The following DENND4A variants were observed in gnomAD, a reference collection of about 807,000 sequenced individuals.
The protein encoded by DENND4A is DENN domain containing 4A, also known as C-myc promoter-binding protein.
DENND4A carries 70 observed loss-of-function variants against 199.3 expected under a neutral mutation model. The observed-to-expected ratio is 0.35, with a 90% CI of 0.29 to 0.43. The LOEUF (loss-of-function observed/expected upper bound fraction) is 0.43, where lower values mean the gene tolerates loss of function less well. Among genes scored for constraint, DENND4A ranks in the 20% least tolerant of loss-of-function variants. DENND4A has a pLI of 1.00. For missense variants in DENND4A, 1,723 were observed against 2,255.8 expected, an observed-to-expected ratio of 0.76 and a Z score of 4.78; for synonymous variants, 686 against 766.9, an observed-to-expected ratio of 0.89 and a Z score of 1.74.
chr15:65,670,271 T>C, intron 25 of DENND4A, 83 bp from the exon 26 acceptor site: 1 of 1,201,592 alleles, frequency 8.3e-7, no homozygotes, highest in South Asian at 2.2e-5. Context: ...ATAAATTCAT[T>C]GGATAATTAA....
In DENND4A at chr15:65,729,191, T is replaced by C; in HGVS notation, c.1368A>G (p.Leu456=). The C allele has an allele frequency of 1.3e-6, 2 of 1,588,752 alleles. No homozygotes were observed. Among genetic ancestry groups the C allele is most frequent in the Non-Finnish European group, 1.7e-6 (2 of 1,166,670 alleles). ...GACATGGTGCACTCAAGACATCTGC[T>C]AAAGCCAGTGGGCAGAGAGGAACAT... is the stretch of plus-strand genomic sequence containing the variant. The part of the protein sequence containing the change: ...CPYVPLCPLA[L]ADVLSAPCPF... The change falls in exon 11 of 33, where the codon TTA becomes TTG. Residue 456 remains leucine (L), a synonymous_variant. Transcript: ENST00000443035.
chr15:65,710,120 A>C (rs532681575), intron 14 of DENND4A, among the ~76,000 whole-genome samples: 1 of 152,318 alleles, frequency 6.6e-6, no homozygotes, highest in African/African-American at 2.4e-5. Flanking sequence ...CATGAGTACT[A>C]AGATATGCTC....
chr15:65,766,346 G>C (rs2076986728), intron 1 of DENND4A: 1 of 151,796 alleles, frequency 6.6e-6, no homozygotes, highest in Admixed American at 6.6e-5. Context: ...CATTCACTCA[G>C]GCATCCAGAA....
intron 11 of DENND4A, among the ~76,000 whole-genome samples, chr15:65,724,626 G>T (rs1292665030): frequency 1.3e-5 from 2 of 151,952 alleles, no homozygotes; most frequent in East Asian, 3.9e-4. Context: ...AGCTTAAGCT[G>T]AACAAAAATG....
intron 23 of DENND4A, among the ~76,000 whole-genome samples, chr15:65,678,175 G>A (rs1220049515): frequency 6.6e-6 from 1 of 152,106 alleles, no homozygotes; most frequent in Non-Finnish European, 1.5e-5. Flanking sequence ...TGATCTGCCC[G>A]CCTCGGCCTC....
At chr15:65,685,353 C>T (rs1319907634) in intron 23 of DENND4A, among the ~76,000 whole-genome samples, 4 of 152,170 alleles carry the variant, frequency 2.6e-5, no homozygotes, top group African/African-American at 9.7e-5. Flanking sequence ...GTCTAGATCT[C>T]CTGACCTCGT....
At chr15:65,709,987 T>C (rs1325781713) in intron 14 of DENND4A, among the ~76,000 whole-genome samples, 3 of 152,030 alleles carry the variant, frequency 2.0e-5, no homozygotes, top group Admixed American at 2.0e-4. Context: ...TAGAATTTTC[T>C]TTTTCGAGAC....
At chr15:65,763,524 A>C (rs2076904304) in intron 1 of DENND4A, among the ~76,000 whole-genome samples, 1 of 151,866 alleles carries the variant, frequency 6.6e-6, no homozygotes. Flanking sequence ...AAAATACCAA[A>C]GTAGCCAGGT....
At chr15:65,668,919 T>C (rs1303273204) in intron 27 of DENND4A, among the ~76,000 whole-genome samples, 1 of 152,164 alleles carries the variant, frequency 6.6e-6, no homozygotes, top group African/African-American at 2.4e-5. Flanking sequence ...TTAAGTAGTA[T>C]AGTCATGATA....
chr15:65,662,577 T>C (rs1485401389), intron 32 of DENND4A, among the ~76,000 whole-genome samples: 1 of 152,190 alleles, frequency 6.6e-6, no homozygotes, highest in African/African-American at 2.4e-5. Context: ...CCCCAGAAGA[T>C]AGTCCACATG....
chr15:65,733,704 A>G (rs1317949500), intron 7 of DENND4A, among the ~76,000 whole-genome samples: 1 of 152,212 alleles, frequency 6.6e-6, no homozygotes, highest in African/African-American at 2.4e-5. Context: ...TGTAGAAAGA[A>G]GTAGACATAG....
chr15:65,742,346 C>T (rs752605922), intron 4 of DENND4A, among the ~76,000 whole-genome samples: 3 of 151,892 alleles, frequency 2.0e-5, no homozygotes, highest in Non-Finnish European at 2.9e-5. Context: ...TGCAGTGGTG[C>T]GATCTTGGCT....
chr15:65,702,778 T>C, intron 16 of DENND4A, 95 bp downstream of exon 16: 1 of 1,186,468 alleles, frequency 8.4e-7, no homozygotes, highest in Non-Finnish European at 1.2e-6. Context: ...CTAGTAATAG[T>C]TATATATGAA....
At chr15:65,682,889 A>C (rs2076629386) in intron 23 of DENND4A, among the ~76,000 whole-genome samples, 3 of 152,214 alleles carry the variant, frequency 2.0e-5, no homozygotes, top group Admixed American at 2.0e-4. Context: ...TTTGGTGGAC[A>C]GTCAGAAATT....
At chr15:65,716,232 TTTTC>T (rs2075395605) in intron 13 of DENND4A, among the ~76,000 whole-genome samples, 1 of 151,900 alleles carries the variant, frequency 6.6e-6, no homozygotes, top group African/African-American at 2.4e-5. Flanking sequence ...TTTCTTTTTT[TTTTC>T]TTTTATTTTT....
At position 65,729,579 on chromosome 15, in the gene DENND4A, G is replaced by C. The variant is rs1402814977; in HGVS notation, c.1266C>G (p.Ser422=). Residue 422 remains serine (S), a synonymous_variant, in exon 10 of 33, where the codon TCC becomes TCG. Transcript: ENST00000443035. ...CACTAGTAAGCACGGATGGCCGTAG[G>C]GAATGGATAAGAATTTTATGTTCTG... is the stretch of plus-strand genomic sequence containing the variant. ...AVTEHKILIH[S]LRPSVLTSVT... 8.7e-6 allele frequency: 14 copies of C among 1,604,552 alleles called. No individual in the cohort carries two copies. Among genetic ancestry groups the C allele is most frequent in the Admixed American group, 1.7e-5 (1 of 59,002 alleles).
At chr15:65,693,046 C>T (rs1012605459) in intron 22 of DENND4A, among the ~76,000 whole-genome samples, 26 of 152,258 alleles carry the variant, frequency 1.7e-4, no homozygotes, top group African/African-American at 6.0e-4. Flanking sequence ...CCTGCAAGGC[C>T]TGAAATACTT....
chr15:65,699,456 C>T (rs1596467712), intron 20 of DENND4A, among the ~76,000 whole-genome samples: 2 of 151,552 alleles, frequency 1.3e-5, no homozygotes, highest in African/African-American at 4.8e-5. Flanking sequence ...AGCTGATATA[C>T]GAACTTATAC....
intron 14 of DENND4A, among the ~76,000 whole-genome samples, chr15:65,714,402 G>A (rs1449037173): frequency 6.5e-5 from 9 of 139,290 alleles, no homozygotes; most frequent in Non-Finnish European, 1.2e-4. Context: ...GACAGAGCGA[G>A]ACTCCGTCTC....
Sources: gnomAD v4.1 joint callset for allele counts (sites outside exome capture counted in the v4.1 genomes callset) on GRCh38, gnomAD v4.1.1 for gene constraint, MANE v1.5 for transcripts, NCBI Gene and HGNC (gene_info 2026-07-23, HGNC 2026-07-21) for gene names.